GRIN2B: variants seen among roughly 807,000 people sequenced by gnomAD.
GRIN2B encodes glutamate receptor ionotropic, NMDA 2B.
In GRIN2B, 5 loss-of-function variants were observed where a neutral mutation model predicts 114.5. The ratio of observed to expected loss-of-function variants is 0.04; its 90% CI spans 0.02 to 0.09. GRIN2B has a LOEUF of 0.09. Ranked by LOEUF, GRIN2B falls within the 10% of genes least tolerant of loss-of-function variation. The probability of loss-of-function intolerance (pLI) is 1.00; values close to 1 mark genes in which losing one functional copy is unlikely to be tolerated. For synonymous variants in GRIN2B, 787 were observed against 745.1 expected (o/e 1.06, Z -0.92); for missense variants, 1,108 against 1,943.5 (o/e 0.57, Z 8.08).
Position 13,615,496 on chromosome 12 carries a change from T to C in GRIN2B, c.1497A>G (p.Gly499=), listed in dbSNP as rs759978746. The C allele has an allele frequency of 1.2e-6, 2 of 1,612,466 alleles. No homozygotes were observed. The highest frequency in any genetic ancestry group is 2.7e-5 in the African/African-American group (2 of 74,910). The change falls in exon 7 of 14, where the codon GGA becomes GGG. Residue 499 remains glycine (G), a synonymous_variant. Transcript: ENST00000609686. This position sits in a 1 kb window ranked among gnomAD's most constrained non-coding sequence, Gnocchi z 5.8. ...KINGTWNGMI[G]EVVMKRAYMA... is the part of the protein sequence containing the mutation. ...AACAGCCCTTGTGGACACTCACCTC[T>C]CCAATCATACCATTCCAGGTTCCAT...
At chr12:13,896,461 C>G (rs1368517464) in intron 2 of GRIN2B, among the ~76,000 whole-genome samples, 2 of 152,168 alleles carry the variant, frequency 1.3e-5, no homozygotes, top group African/African-American at 4.8e-5. Flanking sequence ...GCATGCAAAG[C>G]ATCCAAAGGA....
intron 3 of GRIN2B, among the ~76,000 whole-genome samples, chr12:13,864,084 A>T (rs538928949): frequency 6.6e-6 from 1 of 152,278 alleles, no homozygotes; most frequent in African/African-American, 2.4e-5. Context: ...TATTTTTCCC[A>T]CTTCCCTTAG....
intron 2 of GRIN2B, among the ~76,000 whole-genome samples, chr12:13,893,227 A>G (rs1378834283): frequency 6.6e-6 from 1 of 152,178 alleles, no homozygotes; most frequent in Non-Finnish European, 1.5e-5. Flanking sequence ...TCAATAAAAT[A>G]TTCATAGGGC....
At chr12:13,759,378 A>G (rs1003853073) in intron 3 of GRIN2B, among the ~76,000 whole-genome samples, 3 of 152,316 alleles carry the variant, frequency 2.0e-5, no homozygotes, top group Admixed American at 2.0e-4. Context: ...AAAGTTATAC[A>G]TAAACTGTGC....
rs1948616557 is a variant in GRIN2B at position 13,564,773 on chromosome 12, A to G, written c.2599-134T>C. ...CATGAAGCGAATAGTCTAATATACT[A>G]TTAGATGTGGCTAGAAGTTTGCCTA... On this transcript the variant is annotated intron_variant, in intron 13 of 13. Coordinates refer to ENST00000609686, the MANE Select transcript of GRIN2B (RefSeq NM_000834.5). The surrounding 1 kb of genome is among the most constrained non-coding windows in gnomAD (Gnocchi z 4.8). 2.3e-6 allele frequency: 2 copies of G among 857,338 alleles called. No homozygotes were observed. The highest frequency in any genetic ancestry group is 1.9e-6 in the Non-Finnish European group (1 of 514,246). The allele number at this position is 857,338 out of a possible 1,614,324, so 53.1% of individuals were successfully genotyped here. A position where few individuals can be genotyped will look rare whatever the true frequency, so the allele number is the denominator to read the frequency against.
At chr12:13,970,686 A>AACACACACAC (rs5796570) in intron 2 of GRIN2B, among the ~76,000 whole-genome samples, 5,957 of 145,066 alleles carry the variant, frequency 0.041, 324 homozygotes, top group African/African-American at 0.13. Context: ...GCAGGCTCTA[A>AACACACACAC]ACACACACAC....
intron 3 of GRIN2B, among the ~76,000 whole-genome samples, chr12:13,810,453 G>A (rs566293493): frequency 7.2e-4 from 109 of 152,114 alleles, no homozygotes; most frequent in African/African-American, 2.6e-3. Context: ...CAGTAGCTTC[G>A]AGGTCTATCC....
intron 5 of GRIN2B, among the ~76,000 whole-genome samples, chr12:13,651,912 A>C (rs2193153): frequency 1 from 151,666 of 152,192 alleles, 75,571 homozygotes; most frequent in East Asian, 1. Flanking sequence ...CAGTAAGATG[A>C]GTTATGAGAA....
At chr12:13,865,162 A>G (rs1327750995) in intron 3 of GRIN2B, among the ~76,000 whole-genome samples, 1 of 152,180 alleles carries the variant, frequency 6.6e-6, no homozygotes, top group Non-Finnish European at 1.5e-5. Context: ...CGTATTGCCA[A>G]AGAATAACAG....
chr12:13,745,983 C>T, intron 4 of GRIN2B, among the ~76,000 whole-genome samples: 1 of 151,898 alleles, frequency 6.6e-6, no homozygotes, highest in East Asian at 1.9e-4. Flanking sequence ...AAAAAAAACA[C>T]CTTGCTCTCA....
At chr12:13,608,203 C>A (rs1308631370) in intron 10 of GRIN2B, among the ~76,000 whole-genome samples, 1 of 152,172 alleles carries the variant, frequency 6.6e-6, no homozygotes, top group Non-Finnish European at 1.5e-5. Context: ...AGCCAAACAC[C>A]ACTGGGAAGA....
chr12:13,954,831 T>TAAAAAAAAAAAAAAAAAAAAAAAAAA (rs1867560002), intron 2 of GRIN2B, among the ~76,000 whole-genome samples: 1 of 30,276 alleles, frequency 3.3e-5, no homozygotes, highest in Non-Finnish European at 1.0e-4. Flanking sequence ...AAAAAAAAAC[T>TAAAAAAAAAAAAAAAAAAAAAAAAAA]TTTTCTTCTT....
intron 5 of GRIN2B, among the ~76,000 whole-genome samples, chr12:13,619,864 A>T (rs1442781832): frequency 2.0e-5 from 3 of 152,042 alleles, no homozygotes; most frequent in Admixed American, 6.6e-5. Context: ...CAGAGCTTGG[A>T]CTCCTACCCA....
intron 3 of GRIN2B, among the ~76,000 whole-genome samples, chr12:13,844,161 C>T (rs1201033909): frequency 1.3e-5 from 2 of 152,236 alleles, no homozygotes; most frequent in Admixed American, 1.3e-4. Flanking sequence ...GGCTCTTTTT[C>T]TTCCCCAGGA....
intron 2 of GRIN2B, among the ~76,000 whole-genome samples, chr12:13,874,586 C>T (rs1865966879): frequency 6.6e-6 from 1 of 152,120 alleles, no homozygotes; most frequent in Admixed American, 6.5e-5. Flanking sequence ...CCTCCAAGGA[C>T]AGTGTGGGCA....
intron 4 of GRIN2B, among the ~76,000 whole-genome samples, chr12:13,676,094 T>C (rs1398477939): frequency 6.6e-6 from 1 of 152,098 alleles, no homozygotes; most frequent in Non-Finnish European, 1.5e-5. Flanking sequence ...AAATAAAAGA[T>C]GTTTGGTCAC....
intron 4 of GRIN2B, among the ~76,000 whole-genome samples, chr12:13,700,349 C>A (rs1244973873): frequency 6.6e-6 from 1 of 152,166 alleles, no homozygotes; most frequent in South Asian, 2.1e-4. Flanking sequence ...AGGTGATTGA[C>A]AAATCTTTTT....
rs573449477 is a variant in GRIN2B, at chr12:13,838,305, G to T, written c.411+27493C>A. On this transcript the variant is annotated intron_variant, in intron 3 of 13. Transcript: ENST00000609686. ...TCCATTTTCCACCCTTAAAGCCCCT[G>T]ATATTCCCTTGGATGCTTCATTCTC... Among the ~76,000 whole-genome samples, 5 of 152,178 alleles carry T rather than the reference G, an allele frequency of 3.3e-5. No homozygotes were observed. In the South Asian group the frequency reaches 1.0e-3, roughly 32 times the overall value.
At chr12:13,705,855 C>T (rs1266634506) in intron 4 of GRIN2B, among the ~76,000 whole-genome samples, 13 of 152,112 alleles carry the variant, frequency 8.5e-5, no homozygotes, top group African/African-American at 1.9e-4. Flanking sequence ...AGACAGCAGG[C>T]GCAGAAAGGT....
Sources: allele counts gnomAD v4.1 joint callset (sites outside exome capture counted in the v4.1 genomes callset), GRCh38; gene constraint gnomAD v4.1.1; non-coding constraint Gnocchi (gnomAD v3.1); transcripts MANE v1.5; gene names NCBI Gene and HGNC (gene_info 2026-07-23, HGNC 2026-07-21).